Variants in PTPRD observed in about 807,000 individuals in gnomAD.
PTPRD encodes the protein protein tyrosine phosphatase receptor type D, also known as receptor-type tyrosine-protein phosphatase delta.
Under a neutral mutation model 214.5 loss-of-function variants are expected in PTPRD, and 34 were observed. That is an observed-to-expected ratio of 0.16 (90% confidence interval 0.12 to 0.21). The LOEUF (loss-of-function observed/expected upper bound fraction) is 0.21, where lower values mean the gene tolerates loss of function less well. PTPRD is among the 10% of genes least tolerant of loss of function. The pLI is 1.00. For missense variants in PTPRD, 2,545 were observed against 2,398.7 expected (o/e 1.06, Z -1.27); for synonymous variants, 1,128 against 845.7 (o/e 1.33, Z -5.79).
At chr9:8,708,023 C>A (rs1481090135) in intron 12 of PTPRD, among the ~76,000 whole-genome samples, 1 of 152,182 alleles carries the variant, frequency 6.6e-6, no homozygotes, top group African/African-American at 2.4e-5. Flanking sequence ...ACAGGCTAAG[C>A]TAGCTCTGCA....
intron 11 of PTPRD, among the ~76,000 whole-genome samples, chr9:8,756,605 T>C (rs759948565): frequency 1.3e-5 from 2 of 152,264 alleles, no homozygotes; most frequent in African/African-American, 2.4e-5. Flanking sequence ...GCTCCGGAGT[T>C]CTAACGTTGT....
chr9:8,989,848 T>C (rs1315265014), intron 11 of PTPRD, among the ~76,000 whole-genome samples: 1 of 152,010 alleles, frequency 6.6e-6, no homozygotes, highest in Admixed American at 6.6e-5. Flanking sequence ...AAAAGAAACA[T>C]TAAGGAAATT....
At chr9:10,566,732 T>G (rs936170295) in intron 2 of PTPRD, among the ~76,000 whole-genome samples, 2 of 152,018 alleles carry the variant, frequency 1.3e-5, no homozygotes, top group African/African-American at 4.8e-5. Flanking sequence ...TGCGTTTTTT[T>G]GCGACTTAAG....
intron 3 of PTPRD, among the ~76,000 whole-genome samples, chr9:10,290,775 C>G (rs2095504223): frequency 6.6e-6 from 1 of 152,004 alleles, no homozygotes; most frequent in Non-Finnish European, 1.5e-5. Flanking sequence ...AAATAAGTGT[C>G]AAGGTCATGA....
chr9:9,008,899 T>C (rs1369354928), intron 11 of PTPRD, among the ~76,000 whole-genome samples: 1 of 152,176 alleles, frequency 6.6e-6, no homozygotes, highest in Non-Finnish European at 1.5e-5. Context: ...AGGACAATTT[T>C]GCTTAAGATA....
At chr9:8,990,405 G>A (rs973091296) in intron 11 of PTPRD, among the ~76,000 whole-genome samples, 1 of 152,112 alleles carries the variant, frequency 6.6e-6, no homozygotes, top group Non-Finnish European at 1.5e-5. Context: ...AGAGAGCAGG[G>A]ACTGAACTTA....
chr9:8,437,288 C>CAGAA lies in PTPRD; in HGVS notation c.3989-600_3989-599insTTCT, dbSNP rs576027545. ...ATAAAATAAAATAGAACAAATTCTTCAAAAAAAAATGAAATGGAAAGCCTG... is the reference window on the plus strand; with the variant it reads ...ATAAAATAAAATAGAACAAATTCTTCAGAAAAAAAAAAATGAAATGGAAAGCCTG... On this transcript the variant is annotated intron_variant, in intron 34 of 45. Coordinates refer to ENST00000381196, the MANE Select transcript of PTPRD (RefSeq NM_002839.4). 4 of 1,296,464 alleles carry CAGAA rather than the reference C, an allele frequency of 3.1e-6. No homozygotes were observed. The East Asian group carries it at 1.1e-4, about 34-fold the overall frequency. 80.3% of individuals were successfully genotyped at this position (1,296,464 alleles called of 1,614,324 possible). A position where few individuals can be genotyped will look rare whatever the true frequency, so the allele number is the denominator to read the frequency against.
chr9:10,542,618 TTG>T (rs1358353551), intron 2 of PTPRD, among the ~76,000 whole-genome samples: 2 of 152,196 alleles, frequency 1.3e-5, no homozygotes, highest in Admixed American at 6.6e-5. Context: ...GTTATAATAG[TTG>T]TTGATCACTT....
chr9:10,341,970 C>T (rs2096948789), intron 2 of PTPRD, among the ~76,000 whole-genome samples: 1 of 151,916 alleles, frequency 6.6e-6, no homozygotes, highest in African/African-American at 2.4e-5. Flanking sequence ...CCTTTTGAAG[C>T]TGTTAAAATA....
intron 4 of PTPRD, among the ~76,000 whole-genome samples, chr9:10,001,825 C>G (rs1323772304): frequency 6.6e-6 from 1 of 152,010 alleles, no homozygotes; most frequent in Non-Finnish European, 1.5e-5. Flanking sequence ...TGAAAAGTCT[C>G]TAGACAGTAA....
chr9:8,833,713 T>TACAC (rs1304244416), intron 11 of PTPRD, among the ~76,000 whole-genome samples: 61 of 123,658 alleles, frequency 4.9e-4, no homozygotes, highest in South Asian at 3.1e-3. Context: ...TATATATATA[T>TACAC]ATACACACAC....
chr9:9,089,012 T>C (rs141504570), intron 10 of PTPRD, among the ~76,000 whole-genome samples: 288 of 152,310 alleles, frequency 1.9e-3, no homozygotes, highest in African/African-American at 6.5e-3. Flanking sequence ...ACAAGGGTTT[T>C]TCACTCAACA....
intron 35 of PTPRD, among the ~76,000 whole-genome samples, chr9:8,406,441 C>A (rs2092988495): frequency 6.6e-6 from 1 of 152,188 alleles, no homozygotes; most frequent in South Asian, 2.1e-4. Context: ...CCAATCCACT[C>A]TTCATACTGC....
chr9:8,450,189 G>C (rs1057479213), intron 33 of PTPRD, among the ~76,000 whole-genome samples: 1 of 152,140 alleles, frequency 6.6e-6, no homozygotes, highest in Non-Finnish European at 1.5e-5. Context: ...GAACAGGATA[G>C]GATACCCCTA....
chr9:10,416,604 G>C (rs1024312965), intron 2 of PTPRD, among the ~76,000 whole-genome samples: 2 of 151,784 alleles, frequency 1.3e-5, no homozygotes, highest in Non-Finnish European at 2.9e-5. Flanking sequence ...TCAAATATAA[G>C]TTTCCAGAAA....
intron 6 of PTPRD, among the ~76,000 whole-genome samples, chr9:9,755,390 A>T (rs1458274247): frequency 6.6e-6 from 1 of 152,084 alleles, no homozygotes. Flanking sequence ...TGACAGCTTC[A>T]GTTTGTTGTC....
intron 5 of PTPRD, among the ~76,000 whole-genome samples, chr9:9,892,229 G>T (rs1352295761): frequency 1.3e-5 from 2 of 152,004 alleles, no homozygotes; most frequent in East Asian, 1.9e-4. Flanking sequence ...TAATAAAGGA[G>T]GAAAGGAATG....
At chr9:9,824,251 G>A (rs542482605) in intron 5 of PTPRD, among the ~76,000 whole-genome samples, 96 of 151,766 alleles carry the variant, frequency 6.3e-4, no homozygotes, top group Non-Finnish European at 1.2e-3. Flanking sequence ...TACTCAACCT[G>A]CATCTTTATT....
intron 33 of PTPRD, among the ~76,000 whole-genome samples, chr9:8,451,703 A>C (rs1414525222): frequency 6.6e-6 from 1 of 152,210 alleles, no homozygotes; most frequent in Non-Finnish European, 1.5e-5. Flanking sequence ...CACTTCAAAT[A>C]ATACCAATGG....
Sources: allele counts gnomAD v4.1 joint callset (sites outside exome capture counted in the v4.1 genomes callset), GRCh38; gene constraint gnomAD v4.1.1; transcripts MANE v1.5; gene names NCBI Gene and HGNC (gene_info 2026-07-23, HGNC 2026-07-21).